IGF1R: variants seen among roughly 807,000 people sequenced by gnomAD.
IGF1R encodes the protein insulin-like growth factor 1 receptor.
A neutral mutation model predicts 144.6 loss-of-function variants in IGF1R; 44 were observed. The observed-to-expected ratio is 0.30, with a 90% CI of 0.24 to 0.39. The LOEUF (loss-of-function observed/expected upper bound fraction) is 0.39, where lower values mean the gene tolerates loss of function less well. IGF1R is among the 10% of genes least tolerant of loss of function. IGF1R has a pLI of 1.00. For missense variants in IGF1R, 1,355 were observed against 1,833.7 expected (o/e 0.74, Z 4.77); for synonymous variants, 795 against 722.8 (o/e 1.10, Z -1.60).
At chr15:98,941,208 T>A (rs551897359) in intron 18 of IGF1R, among the ~76,000 whole-genome samples, 1 of 152,192 alleles carries the variant, frequency 6.6e-6, no homozygotes, top group South Asian at 2.1e-4. Flanking sequence ...CCCCATGGGG[T>A]TATGAGAAGG....
chr15:98,909,131 A>T (rs1226770802), intron 6 of IGF1R, among the ~76,000 whole-genome samples: 1 of 152,222 alleles, frequency 6.6e-6, no homozygotes, highest in African/African-American at 2.4e-5. Flanking sequence ...GAGTGTGTGA[A>T]ACACTTATAA....
chr15:98,951,621 C>CA (rs945043631), intron 20 of IGF1R, among the ~76,000 whole-genome samples: 66 of 152,372 alleles, frequency 4.3e-4, no homozygotes, highest in African/African-American at 1.5e-3. Context: ...GCCGGGGCTG[C>CA]AGTCATCTGA....
intron 1 of IGF1R, among the ~76,000 whole-genome samples, chr15:98,667,862 T>C (rs1050911122): frequency 1.3e-5 from 2 of 151,948 alleles, no homozygotes; most frequent in Non-Finnish European, 2.9e-5. Context: ...CTTGTTTGTG[T>C]ATGTGCTTGT....
In IGF1R at chr15:98,676,051, A is replaced by C. The variant is rs1333804846; in HGVS notation, c.94+26376A>C. Among the ~76,000 whole-genome samples, 6 of 151,592 alleles carry C rather than the reference A, an allele frequency of 4.0e-5. No homozygotes were observed. The East Asian group carries it at 1.2e-3, about 30-fold the overall frequency. On this transcript the variant is annotated intron_variant, in intron 1 of 20. Transcript: ENST00000650285. ...CCACATGTTGGCCTGGCTGGTGTTG[A>C]ACTCCCGGCCTCAGGTGATCCGCCC...
intron 2 of IGF1R, among the ~76,000 whole-genome samples, chr15:98,721,042 TG>T (rs1272078848): frequency 2.0e-5 from 3 of 152,198 alleles, no homozygotes; most frequent in African/African-American, 7.2e-5. Flanking sequence ...TGCGTTCTGC[TG>T]TATTTTTTGG....
rs1445839620 is a variant in IGF1R, at chr15:98,692,012, T to TG, written c.95-15550_95-15549insG. ...TGGTGTTATTAGATTGGTAATTTTT[T>TG]TGTGTGTGAATCTGTTAAGTTAAAA... On this transcript the variant is annotated intron_variant, in intron 1 of 20. Transcript: ENST00000650285. Among the ~76,000 whole-genome samples the TG allele has an allele frequency of 1.1e-4, 16 of 152,264 alleles. No individual in the cohort carries two copies. In the East Asian group the frequency reaches 3.1e-3, roughly 29 times the overall value.
chr15:98,757,031 T>C lies in IGF1R; in HGVS notation c.640+48924T>C, dbSNP rs188359059. Among the ~76,000 whole-genome samples, 217 of 152,356 alleles carry C rather than the reference T, an allele frequency of 1.4e-3. 3 individuals carry two copies. Among genetic ancestry groups the C allele is most frequent in the Non-Finnish European group, 2.2e-3 (153 of 68,038 alleles). On this transcript the variant is annotated intron_variant, in intron 2 of 20. Coordinates refer to ENST00000650285, the MANE Select transcript of IGF1R (RefSeq NM_000875.5). ...AATTGCTTTGTGGACATTAAAAAAT[T>C]ATGCCCTTGGTAAAATGCAAAGGTT...
intron 2 of IGF1R, among the ~76,000 whole-genome samples, chr15:98,863,766 T>G (rs1168526756): frequency 6.6e-6 from 1 of 152,222 alleles, no homozygotes; most frequent in Non-Finnish European, 1.5e-5. Context: ...ATAGTTTTGG[T>G]CCTGGCTGCA....
intron 3 of IGF1R, among the ~76,000 whole-genome samples, chr15:98,893,701 G>C (rs1013803254): frequency 1.3e-5 from 2 of 152,322 alleles, no homozygotes; most frequent in South Asian, 2.1e-4. Context: ...GCAGCCACCA[G>C]AGTTGTGGCA....
chr15:98,755,572 C>T (rs962572823), intron 2 of IGF1R, among the ~76,000 whole-genome samples: 1 of 151,750 alleles, frequency 6.6e-6, no homozygotes, highest in African/African-American at 2.4e-5. Flanking sequence ...AAAACCCTGT[C>T]TCTACTAAAA....
At chr15:98,898,750 G>A (rs1291110342) in intron 4 of IGF1R, among the ~76,000 whole-genome samples, 1 of 152,124 alleles carries the variant, frequency 6.6e-6, no homozygotes, top group Non-Finnish European at 1.5e-5. Flanking sequence ...AGCATTAGTT[G>A]AACTGAAAAT....
intron 4 of IGF1R, among the ~76,000 whole-genome samples, chr15:98,898,477 T>G (rs2151655267): frequency 6.6e-6 from 1 of 152,324 alleles, no homozygotes. Flanking sequence ...CTGCCCCACG[T>G]TTAAAATTCA....
chr15:98,841,473 A>G (rs1175604686), intron 2 of IGF1R, among the ~76,000 whole-genome samples: 1 of 152,198 alleles, frequency 6.6e-6, no homozygotes, highest in Non-Finnish European at 1.5e-5. Flanking sequence ...TCAGCTAGAG[A>G]GAGAGAGAGT....
At chr15:98,878,663 CAAAAAAAAAAAAAAAAA>C (rs138285597) in intron 2 of IGF1R, among the ~76,000 whole-genome samples, 66 of 57,906 alleles carry the variant, frequency 1.1e-3, no homozygotes, top group African/African-American at 4.9e-3. Flanking sequence ...GTGAAAGACT[CAAAAAAAAAAAAAAAAA>C]AAAAAAAAAA....
chr15:98,666,694 A>G lies in IGF1R; in HGVS notation c.94+17019A>G, dbSNP rs1299564086. 3.3e-5 allele frequency among the ~76,000 whole-genome samples: 5 copies of G among 152,196 alleles called. No homozygotes were observed. The East Asian group carries it at 9.6e-4, about 29-fold the overall frequency. On this transcript the variant is annotated intron_variant, in intron 1 of 20. Transcript: ENST00000650285. ...TGAGCTATGTAGAGTAGTCACATTC[A>G]TAGAGACGGAAAGTAGAATGGTGAG...
At chr15:98,684,946 TTTTTTTA>T (rs2053288289) in intron 1 of IGF1R, among the ~76,000 whole-genome samples, 1 of 139,608 alleles carries the variant, frequency 7.2e-6, no homozygotes, top group Non-Finnish European at 1.5e-5. Context: ...TTTTTTTTTT[TTTTTTTA>T]AATTTTTGAG....
At chr15:98,752,537 G>A (rs181060062) in intron 2 of IGF1R, among the ~76,000 whole-genome samples, 4 of 152,166 alleles carry the variant, frequency 2.6e-5, no homozygotes, top group African/African-American at 9.6e-5. Context: ...AAAAAAGTTA[G>A]CTGGGCGTGG....
chr15:98,941,604 A>G (rs2016368490), intron 18 of IGF1R, among the ~76,000 whole-genome samples: 1 of 152,182 alleles, frequency 6.6e-6, no homozygotes, highest in Non-Finnish European at 1.5e-5. Context: ...CACAGATAAC[A>G]CTTTCACACT....
At chr15:98,943,792 C>T (rs561730551) in intron 19 of IGF1R, among the ~76,000 whole-genome samples, 70 of 152,296 alleles carry the variant, frequency 4.6e-4, no homozygotes, top group Non-Finnish European at 8.7e-4. Context: ...GGGGGGATCC[C>T]GTTGCTGTTG....
Sources: gnomAD v4.1 joint callset for allele counts (sites outside exome capture counted in the v4.1 genomes callset) on GRCh38, gnomAD v4.1.1 for gene constraint, MANE v1.5 for transcripts, NCBI Gene and HGNC (gene_info 2026-07-23, HGNC 2026-07-21) for gene names.